The following CALCR variants were observed in gnomAD, a reference collection of about 807,000 sequenced individuals.
CALCR encodes calcitonin receptor.
In CALCR, 47 loss-of-function variants were observed where a neutral mutation model predicts 59.5. The observed-to-expected ratio is 0.79, with a 90% CI of 0.63 to 1.01. The LOEUF (loss-of-function observed/expected upper bound fraction) is 1.01, where lower values mean the gene tolerates loss of function less well. Ranked by LOEUF, CALCR falls within the 50% of genes least tolerant of loss-of-function variation. The pLI is 0.00. For synonymous variants in CALCR, 213 were observed against 211.3 expected (o/e 1.01, Z -0.07); for missense variants, 566 against 597.1 (o/e 0.95, Z 0.54).
intron 2 of CALCR, among the ~76,000 whole-genome samples, chr7:93,572,350 C>T (rs73223661): frequency 0.01 from 1,582 of 152,218 alleles, 12 homozygotes; most frequent in Non-Finnish European, 0.018. Flanking sequence ...GGCTCTCAAT[C>T]CTGGTTGCAT....
At chr7:93,457,835 A>G (rs1000661315) in intron 8 of CALCR, among the ~76,000 whole-genome samples, 1 of 152,134 alleles carries the variant, frequency 6.6e-6, no homozygotes, top group East Asian at 1.9e-4. Flanking sequence ...CTTTAAGAAC[A>G]CATCTTTCTA....
intron 13 of CALCR, among the ~76,000 whole-genome samples, chr7:93,427,730 G>T (rs1473561206): frequency 6.6e-6 from 1 of 151,868 alleles, no homozygotes; most frequent in African/African-American, 2.4e-5. Flanking sequence ...AAGGCTGAAT[G>T]GTTCTGTGGC....
At chr7:93,553,529 TAA>T (rs1166198042) in intron 2 of CALCR, among the ~76,000 whole-genome samples, 1 of 151,928 alleles carries the variant, frequency 6.6e-6, no homozygotes, top group Non-Finnish European at 1.5e-5. Flanking sequence ...ATACAAATGG[TAA>T]AGACACAGAG....
intron 2 of CALCR, among the ~76,000 whole-genome samples, chr7:93,543,852 GT>G (rs1563014697): frequency 6.6e-6 from 1 of 151,302 alleles, no homozygotes; most frequent in Non-Finnish European, 1.5e-5. Flanking sequence ...TTAAATTATT[GT>G]TTAATTGTAT....
chr7:93,534,493 T>C (rs17147458), intron 2 of CALCR, among the ~76,000 whole-genome samples: 42,728 of 151,592 alleles, frequency 0.28, 7,159 homozygotes, highest in South Asian at 0.38. Flanking sequence ...ATAATTGTCA[T>C]GCTTTTGAAT....
At chr7:93,506,590 T>C (rs181491562) in intron 2 of CALCR, among the ~76,000 whole-genome samples, 4 of 151,948 alleles carry the variant, frequency 2.6e-5, no homozygotes, top group Admixed American at 2.6e-4. Context: ...CGCTACCAAA[T>C]ATCCAGATGG....
At chr7:93,445,786 T>C (rs116407467) in intron 8 of CALCR, among the ~76,000 whole-genome samples, 4,102 of 152,184 alleles carry the variant, frequency 0.027, 156 homozygotes, top group African/African-American at 0.086. Flanking sequence ...ACACATATTC[T>C]CTGTAAGCCA....
At chr7:93,566,136 A>G (rs1377335383) in intron 2 of CALCR, among the ~76,000 whole-genome samples, 1 of 152,170 alleles carries the variant, frequency 6.6e-6, no homozygotes, top group Non-Finnish European at 1.5e-5. Flanking sequence ...CTGACACCAA[A>G]CTAAAATCCA....
chr7:93,513,701 C>T (rs1370216028), intron 2 of CALCR, among the ~76,000 whole-genome samples: 1 of 151,820 alleles, frequency 6.6e-6, no homozygotes, highest in African/African-American at 2.4e-5. Flanking sequence ...ATTGTAATGC[C>T]CCTCTTGCAG....
chr7:93,535,586 G>A (rs1052443267), intron 2 of CALCR, among the ~76,000 whole-genome samples: 3 of 151,752 alleles, frequency 2.0e-5, no homozygotes, highest in South Asian at 2.1e-4. Flanking sequence ...TTTTGAATGC[G>A]TGAGTGAATA....
At chr7:93,533,340 C>T (rs530761455) in intron 2 of CALCR, among the ~76,000 whole-genome samples, 24 of 152,006 alleles carry the variant, frequency 1.6e-4, no homozygotes, top group African/African-American at 5.5e-4. Flanking sequence ...TCTGTATTGG[C>T]TAAAATGCCC....
intron 7 of CALCR, among the ~76,000 whole-genome samples, chr7:93,467,605 A>T (rs1006190548): frequency 6.6e-6 from 1 of 151,692 alleles, no homozygotes; most frequent in African/African-American, 2.4e-5. Context: ...ATAATGTACC[A>T]TCTTTACCAT....
At position 93,477,557 on chromosome 7, in the gene CALCR, C is replaced by G; in HGVS notation, c.316+1G>C. ...ACATAAAATGAAAATAAACACTCTACCTGATGGATCAAAATCCGGAAAATA... is the reference window on the plus strand; with the variant it reads ...ACATAAAATGAAAATAAACACTCTAGCTGATGGATCAAAATCCGGAAAATA... On this transcript the variant is annotated splice_donor_variant, in intron 5 of 13. Coordinates refer to ENST00000426151, the MANE Select transcript of CALCR (RefSeq NM_001742.4). LOFTEE classifies it high-confidence loss of function. 6.3e-7 allele frequency: 1 copy of G among 1,587,026 alleles called. No homozygotes were observed. The highest frequency in any genetic ancestry group is 8.6e-7 in the Non-Finnish European group (1 of 1,156,746).
intron 13 of CALCR, among the ~76,000 whole-genome samples, chr7:93,433,054 T>C (rs1392815432): frequency 6.6e-6 from 1 of 152,034 alleles, no homozygotes; most frequent in African/African-American, 2.4e-5. Flanking sequence ...GGTAGGTGAA[T>C]GGATGAAGAA....
chr7:93,554,166 C>CT (rs1299780766), intron 2 of CALCR, among the ~76,000 whole-genome samples: 1 of 152,104 alleles, frequency 6.6e-6, no homozygotes, highest in Non-Finnish European at 1.5e-5. Context: ...CACAAGACTG[C>CT]TTTTATCTGT....
Position 93,574,386 on chromosome 7 carries a change from C to A in CALCR, c.-124G>T. The A allele has an allele frequency of 6.6e-6, 1 of 152,212 alleles. No homozygotes were observed. Among genetic ancestry groups the A allele is most frequent in the Non-Finnish European group, 1.5e-5 (1 of 68,078 alleles). 9.4% of individuals were successfully genotyped at this position (152,212 alleles called of 1,614,324 possible). ...GACTCAGGCGCTCAAGCTTCAGCGC[C>A]CATCTCCTGGGCAGGAGATGTCAGC... On this transcript the variant is annotated 5_prime_UTR_variant, in exon 2 of 14. Transcript: ENST00000426151.
Position 93,550,598 on chromosome 7 carries a change from AACACACACACACAC to A in CALCR, c.-27+23677_-27+23690del, listed in dbSNP as rs201729250. ...TAACCAAGCATTTCCATTTGGGCTA[AACACACACACACAC>A]ACACACACACACACACACACACACA... is the stretch of plus-strand genomic sequence containing the variant. On this transcript the variant is annotated intron_variant, in intron 2 of 13. Coordinates refer to ENST00000426151, the MANE Select transcript of CALCR (RefSeq NM_001742.4). Among the ~76,000 whole-genome samples the A allele has an allele frequency of 3.4e-4, 42 of 121,928 alleles. No individual in the cohort carries two copies. In the East Asian group the frequency reaches 8.1e-3, roughly 24 times the overall value. The allele number at this position is 121,928 out of a possible 152,430, so 80.0% of individuals were successfully genotyped here. A position where few individuals can be genotyped will look rare whatever the true frequency, so the allele number is the denominator to read the frequency against.
At chr7:93,433,155 C>T (rs1008695934) in intron 13 of CALCR, among the ~76,000 whole-genome samples, 1 of 152,044 alleles carries the variant, frequency 6.6e-6, no homozygotes, top group Non-Finnish European at 1.5e-5. Context: ...GAACAGGTCA[C>T]AGAATAGCAA....
intron 13 of CALCR, among the ~76,000 whole-genome samples, chr7:93,431,754 T>C (rs771667541): frequency 3.1e-4 from 47 of 152,234 alleles, no homozygotes; most frequent in South Asian, 2.1e-4. Context: ...GACAGTTAAA[T>C]GGAGATGTTT....
Sources: gnomAD v4.1 joint callset for allele counts (sites outside exome capture counted in the v4.1 genomes callset) on GRCh38, gnomAD v4.1.1 for gene constraint, MANE v1.5 for transcripts, NCBI Gene and HGNC (gene_info 2026-07-23, HGNC 2026-07-21) for gene names.